Variants in SPTLC2 observed in about 807,000 individuals in gnomAD.
SPTLC2 encodes serine palmitoyltransferase 2.
Under a neutral mutation model 62.0 loss-of-function variants are expected in SPTLC2, and 21 were observed. The observed-to-expected ratio is 0.34, with a 90% CI of 0.24 to 0.49. SPTLC2 has a LOEUF of 0.49. Among genes scored for constraint, SPTLC2 ranks in the 20% least tolerant of loss-of-function variants. The pLI is 0.99. For missense variants in SPTLC2, 511 were observed against 713.0 expected (o/e 0.72, Z 3.23); for synonymous variants, 261 against 261.8 (o/e 1.00, Z 0.03).
chr14:77,598,806 A>T (rs1397097042), intron 1 of SPTLC2, among the ~76,000 whole-genome samples: 1 of 152,074 alleles, frequency 6.6e-6, no homozygotes, highest in African/African-American at 2.4e-5. Context: ...ACATGGTGGC[A>T]CATGCCTGTA....
At position 77,564,236 on chromosome 14, in the gene SPTLC2, G is replaced by GGA. The variant is rs35001639; in HGVS notation, c.757-1748_757-1747insTC. Among the ~76,000 whole-genome samples the GGA allele has an allele frequency of 2.2e-3, 246 of 110,626 alleles. 3 individuals carry two copies. The highest frequency in any genetic ancestry group is 0.017 in the East Asian group (71 of 4,128). The allele number at this position is 110,626 out of a possible 152,430, so 72.6% of individuals were successfully genotyped here. On this transcript the variant is annotated intron_variant, in intron 5 of 11. Transcript: ENST00000216484. ...AACAGAGGGAGACTCTGTCTGGGGG[G>GGA]AAAAAAAAAAAAAAAAGGAGGAGGA... is the stretch of plus-strand genomic sequence containing the variant.
chr14:77,520,611 C>A (rs1370614214), intron 10 of SPTLC2, among the ~76,000 whole-genome samples: 3 of 152,188 alleles, frequency 2.0e-5, no homozygotes, highest in African/African-American at 7.2e-5. Flanking sequence ...GGCCACTTTG[C>A]ATATAATAAA....
intron 2 of SPTLC2, among the ~76,000 whole-genome samples, chr14:77,589,816 CAA>C (rs1491584014): frequency 4.0e-4 from 60 of 151,196 alleles, no homozygotes; most frequent in African/African-American, 1.4e-3. Flanking sequence ...CACACACACA[CAA>C]ATACAAAAAA....
intron 2 of SPTLC2, among the ~76,000 whole-genome samples, chr14:77,589,789 C>CCACACACACACACACA (rs10627978): frequency 1.3e-4 from 19 of 146,316 alleles, no homozygotes; most frequent in African/African-American, 4.1e-4. Context: ...GAGTCCGTCT[C>CCACACACACACACACA]CACACACACA....
intron 1 of SPTLC2, among the ~76,000 whole-genome samples, chr14:77,599,532 TATGTG>T (rs1193096838): frequency 2.0e-5 from 3 of 152,218 alleles, no homozygotes; most frequent in Admixed American, 6.5e-5. Context: ...GACACAGTTG[TATGTG>T]ACAAAGGACA....
rs542277080 is a variant in SPTLC2 at position 77,590,082 on chromosome 14, C to T, written c.327+7104G>A. ...CCTTGAACTCCTAGGTACAAGTGAT[C>T]CTCCCACCTCAGTCTCCCAAGTAGC... On this transcript the variant is annotated intron_variant, in intron 2 of 11. Coordinates refer to ENST00000216484, the MANE Select transcript of SPTLC2 (RefSeq NM_004863.4). Among the ~76,000 whole-genome samples, 122 of 152,106 alleles carry T rather than the reference C, an allele frequency of 8.0e-4. 3 individuals are homozygous for T. The South Asian group carries it at 0.025, about 31-fold the overall frequency.
chr14:77,600,024 G>GC (rs1190257347), intron 1 of SPTLC2, among the ~76,000 whole-genome samples: 4 of 152,046 alleles, frequency 2.6e-5, no homozygotes, highest in East Asian at 1.9e-4. Flanking sequence ...AAATTACAGA[G>GC]CCCCCCCACC....
Position 77,512,218 on chromosome 14 carries a change from TGGCTCACAAAGGCCACA to T in SPTLC2, c.*49_*65del. 1 of 1,610,830 alleles carries T rather than the reference TGGCTCACAAAGGCCACA, an allele frequency of 6.2e-7. No individual in the cohort carries two copies. The highest frequency in any genetic ancestry group is 1.1e-5 in the South Asian group (1 of 90,896). On this transcript the variant is annotated 3_prime_UTR_variant, in exon 12 of 12. Coordinates refer to ENST00000216484, the MANE Select transcript of SPTLC2 (RefSeq NM_004863.4). ...GCCACAGAAGTGTGGTTCCTGGAACTGGCTCACAAAGGCCACAGGCTGTCCTGGGTGAGGGAGAGTTC... is the reference window on the plus strand; with the variant it reads ...GCCACAGAAGTGTGGTTCCTGGAACTGGCTGTCCTGGGTGAGGGAGAGTTC...
At chr14:77,558,785 C>A (rs1172773622) in intron 6 of SPTLC2, among the ~76,000 whole-genome samples, 2 of 152,014 alleles carry the variant, frequency 1.3e-5, no homozygotes, top group South Asian at 4.2e-4. Flanking sequence ...CCACATCCAG[C>A]TAATTTTTGT....
Position 77,541,023 on chromosome 14 carries a change from A to T in SPTLC2, c.1303+11073T>A, listed in dbSNP as rs2079497946. Among the ~76,000 whole-genome samples, 5 of 150,766 alleles carry T rather than the reference A, an allele frequency of 3.3e-5. No individual in the cohort carries two copies. In the South Asian group the frequency reaches 1.0e-3, roughly 31 times the overall value. ...GGTATGCTTGCAAAACATTTTATTT[A>T]TTTATTTATTTATTTATTTATTTAT... On this transcript the variant is annotated intron_variant, in intron 9 of 11. Transcript: ENST00000216484.
At chr14:77,520,643 TTC>T (rs2079380933) in intron 10 of SPTLC2, among the ~76,000 whole-genome samples, 1 of 152,256 alleles carries the variant, frequency 6.6e-6, no homozygotes, top group African/African-American at 2.4e-5. Context: ...ATAATTACTG[TTC>T]ATTTGCTTTT....
intron 9 of SPTLC2, among the ~76,000 whole-genome samples, chr14:77,525,909 C>CAAAT (rs1312999140): frequency 6.6e-6 from 1 of 151,052 alleles, no homozygotes; most frequent in Non-Finnish European, 1.5e-5. Flanking sequence ...GACTCCATCT[C>CAAAT]AAATAAATAA....
intron 1 of SPTLC2, among the ~76,000 whole-genome samples, chr14:77,606,373 CTGTGTGTG>C (rs59065946): frequency 3.4e-5 from 5 of 148,236 alleles, no homozygotes; most frequent in Non-Finnish European, 7.4e-5. Context: ...AGGGAGGGGA[CTGTGTGTG>C]TGTGTGTGTG....
intron 1 of SPTLC2, among the ~76,000 whole-genome samples, chr14:77,611,342 G>C (rs1595021958): frequency 6.6e-6 from 1 of 150,452 alleles, no homozygotes; most frequent in African/African-American, 2.4e-5. Flanking sequence ...GCACACCTGT[G>C]GACCCAGCTA....
At chr14:77,528,089 G>T (rs938394682) in intron 9 of SPTLC2, among the ~76,000 whole-genome samples, 1 of 152,130 alleles carries the variant, frequency 6.6e-6, no homozygotes, top group Non-Finnish European at 1.5e-5. Context: ...AATCTTCTTA[G>T]ATTTCCTGAA....
chr14:77,548,004 C>T (rs1189410773), intron 9 of SPTLC2, among the ~76,000 whole-genome samples: 3 of 150,386 alleles, frequency 2.0e-5, no homozygotes, highest in Non-Finnish European at 4.4e-5. Flanking sequence ...TTCAAATGAG[C>T]CAAACCTAGT....
chr14:77,580,001 C>A (rs1185769704), intron 2 of SPTLC2, among the ~76,000 whole-genome samples: 1 of 152,108 alleles, frequency 6.6e-6, no homozygotes, highest in African/African-American at 2.4e-5. Flanking sequence ...GACGGCTCTT[C>A]CCTCCCCACA....
intron 9 of SPTLC2, among the ~76,000 whole-genome samples, chr14:77,551,250 C>T (rs1182009666): frequency 6.6e-6 from 1 of 151,772 alleles, no homozygotes; most frequent in African/African-American, 2.4e-5. Context: ...AAAAATTAGC[C>T]GGGCGTGGTG....
In SPTLC2 at chr14:77,518,515, C is replaced by T. The variant is rs112020823; in HGVS notation, c.1440-348G>A. ...AGGAGGCTGAGGCATGAGAATCTCT[C>T]GAAGCTTGGAGGCAGAAGCTGTAGT... On this transcript the variant is annotated intron_variant, in intron 10 of 11. Coordinates refer to ENST00000216484, the MANE Select transcript of SPTLC2 (RefSeq NM_004863.4). Among the ~76,000 whole-genome samples, 1,208 of 150,744 alleles carry T rather than the reference C, an allele frequency of 8.0e-3. 19 individuals carry two copies. Among genetic ancestry groups the T allele is most frequent in the African/African-American group, 0.027 (1,095 of 40,906 alleles).
Sources: allele counts gnomAD v4.1 joint callset (sites outside exome capture counted in the v4.1 genomes callset), GRCh38; gene constraint gnomAD v4.1.1; transcripts MANE v1.5; gene names NCBI Gene and HGNC (gene_info 2026-07-23, HGNC 2026-07-21).